Variants in CLIC5 observed in about 807,000 individuals in gnomAD.
CLIC5 encodes the protein chloride intracellular channel protein 5.
A neutral mutation model predicts 24.7 loss-of-function variants in CLIC5; 20 were observed. The observed-to-expected ratio is 0.81, with a 90% CI of 0.57 to 1.18. The LOEUF (loss-of-function observed/expected upper bound fraction) is 1.18, where lower values mean the gene tolerates loss of function less well. Ranked by LOEUF, CLIC5 falls within the 50% of genes most tolerant of loss-of-function variation. The pLI, the probability that CLIC5 is intolerant of heterozygous loss-of-function variation, is 0.00. For missense variants in CLIC5, 341 were observed against 326.1 expected (o/e 1.05, Z -0.35); for synonymous variants, 159 against 135.6 (o/e 1.17, Z -1.20).
At chr6:45,940,881 A>G (rs141666181) in intron 4 of CLIC5, among the ~76,000 whole-genome samples, 69 of 152,322 alleles carry the variant, frequency 4.5e-4, no homozygotes, top group African/African-American at 1.6e-3. Context: ...GGCAATGCCA[A>G]ATGAAGGACT....
chr6:46,045,478 G>A (rs186717576), intron 1 of CLIC5, among the ~76,000 whole-genome samples: 3 of 152,228 alleles, frequency 2.0e-5, no homozygotes, highest in South Asian at 2.1e-4. Flanking sequence ...CACAGAGTGA[G>A]GGCAGAGAGT....
At chr6:45,938,965 C>T (rs1764033788) in intron 4 of CLIC5, among the ~76,000 whole-genome samples, 1 of 152,098 alleles carries the variant, frequency 6.6e-6, no homozygotes, top group East Asian at 1.9e-4. Context: ...CTCTTCTTTC[C>T]CACAATGGCT....
intron 1 of CLIC5, among the ~76,000 whole-genome samples, chr6:45,980,017 A>C (rs1581819536): frequency 9.5e-6 from 1 of 105,480 alleles, no homozygotes; most frequent in Non-Finnish European, 1.8e-5. Flanking sequence ...TTCTTCTAGG[A>C]ATTTTATAGT....
chr6:46,124,001 T>C, the CLIC5 span, among the ~76,000 whole-genome samples: 4 of 152,122 alleles, frequency 2.6e-5, no homozygotes, highest in Non-Finnish European at 5.9e-5. Context: ...AAAATGGCCA[T>C]ACTGCCCAAG....
chr6:45,950,407 A>G (rs569917711), intron 2 of CLIC5, among the ~76,000 whole-genome samples: 1 of 151,854 alleles, frequency 6.6e-6, no homozygotes. Flanking sequence ...ACAAAAAAAA[A>G]AAACAAACAA....
At chr6:46,021,135 T>C (rs1385090039) in intron 1 of CLIC5, among the ~76,000 whole-genome samples, 1 of 139,272 alleles carries the variant, frequency 7.2e-6, no homozygotes, top group Non-Finnish European at 1.6e-5. Context: ...AGGCAAAATA[T>C]CTGAGCAGAC....
At chr6:46,054,521 G>A (rs562802666) in intron 1 of CLIC5, among the ~76,000 whole-genome samples, 58 of 152,224 alleles carry the variant, frequency 3.8e-4, no homozygotes, top group Non-Finnish European at 6.3e-4. Context: ...CCCTATAAAC[G>A]AGTGATGATT....
rs1221682493 is a variant in CLIC5 at position 45,900,622 on chromosome 6, C to G, written c.*2466G>C. 6.6e-6 allele frequency: 1 copy of G among 151,642 alleles called. No individual in the cohort carries two copies. Among genetic ancestry groups the G allele is most frequent in the East Asian group, 1.9e-4 (1 of 5,156 alleles). 9.4% of individuals were successfully genotyped at this position (151,642 alleles called of 1,614,324 possible). ...TAAGACACCATAACTAACTCTTAGT[C>G]CATAGTCACTTGCATTATATGATAA... is the stretch of plus-strand genomic sequence containing the variant. On this transcript the variant is annotated 3_prime_UTR_variant, in exon 6 of 6. Coordinates refer to ENST00000339561, the MANE Select transcript of CLIC5 (RefSeq NM_016929.5).
intron 1 of CLIC5, among the ~76,000 whole-genome samples, chr6:45,975,835 T>A (rs1156447467): frequency 6.6e-6 from 1 of 152,176 alleles, no homozygotes; most frequent in Non-Finnish European, 1.5e-5. Context: ...TACAATATAA[T>A]TAAAAAGTGC....
chr6:46,007,199 T>C (rs949689353), intron 1 of CLIC5, among the ~76,000 whole-genome samples: 3 of 152,232 alleles, frequency 2.0e-5, no homozygotes, highest in African/African-American at 7.2e-5. Flanking sequence ...CAAACGATTT[T>C]AATGAACAGC....
chr6:46,041,096 T>C (rs890053515), intron 1 of CLIC5, among the ~76,000 whole-genome samples: 1 of 152,222 alleles, frequency 6.6e-6, no homozygotes, highest in African/African-American at 2.4e-5. Flanking sequence ...ATTATGTAGC[T>C]ATTGAAAGTG....
chr6:45,882,725 T>C (rs933664913), intron 6 of CLIC5, among the ~76,000 whole-genome samples: 14 of 152,356 alleles, frequency 9.2e-5, no homozygotes, highest in Middle Eastern at 3.4e-3. Context: ...ATTTTCCTCT[T>C]TAGTGATACA....
At chr6:45,966,555 G>A (rs1765021180) in intron 1 of CLIC5, among the ~76,000 whole-genome samples, 2 of 152,204 alleles carry the variant, frequency 1.3e-5, no homozygotes, top group Non-Finnish European at 2.9e-5. Context: ...TGACCTCACT[G>A]TAGACTTGCA....
intron 1 of CLIC5, among the ~76,000 whole-genome samples, chr6:46,011,993 C>A (rs141467202): frequency 6.6e-6 from 1 of 152,292 alleles, no homozygotes; most frequent in Non-Finnish European, 1.5e-5. Flanking sequence ...GTGTTTACAG[C>A]AATTTTCAAT....
rs996928971 is a variant in CLIC5, at chr6:46,045,226, T to A, written c.540+34477A>T. Among the ~76,000 whole-genome samples the A allele has an allele frequency of 2.6e-5, 4 of 152,074 alleles. No homozygotes were observed. In the South Asian group the frequency reaches 8.3e-4, roughly 32 times the overall value. On this transcript the variant is annotated intron_variant, in intron 1 of 5. Transcript: ENST00000185206. Reference sequence around the variant, plus strand: ...ATAAACAAGTTTGAAAACAATTACATTTTTTTTAAATCACTTGATCCAACA... The same window carrying A: ...ATAAACAAGTTTGAAAACAATTACAATTTTTTTAAATCACTTGATCCAACA...
At chr6:45,996,390 C>T (rs1581840465) in intron 1 of CLIC5, among the ~76,000 whole-genome samples, 1 of 152,062 alleles carries the variant, frequency 6.6e-6, no homozygotes, top group East Asian at 1.9e-4. Context: ...GTTGCCATTG[C>T]TTTTGGTGTT....
the CLIC5 span, among the ~76,000 whole-genome samples, chr6:46,089,962 G>A: frequency 6.6e-6 from 1 of 152,104 alleles, no homozygotes; most frequent in African/African-American, 2.4e-5. Flanking sequence ...TTCGTGATTT[G>A]CACAGGAATG....
intron 4 of CLIC5, among the ~76,000 whole-genome samples, chr6:45,938,739 A>G (rs1764025739): frequency 6.6e-6 from 1 of 152,132 alleles, no homozygotes; most frequent in Middle Eastern, 3.2e-3. Context: ...ATATGTAAAC[A>G]CCATTTATAA....
intron 2 of CLIC5, among the ~76,000 whole-genome samples, chr6:45,949,891 A>G (rs1355763942): frequency 1.3e-5 from 2 of 152,204 alleles, no homozygotes; most frequent in Non-Finnish European, 2.9e-5. Context: ...TGTAACTTAT[A>G]TTTTAATATC....
Sources: gnomAD v4.1 joint callset for allele counts (sites outside exome capture counted in the v4.1 genomes callset) on GRCh38, gnomAD v4.1.1 for gene constraint, MANE v1.5 for transcripts, NCBI Gene and HGNC (gene_info 2026-07-23, HGNC 2026-07-21) for gene names.